The following CCDC70 variants were observed in gnomAD, a reference collection of about 807,000 sequenced individuals.
The protein encoded by CCDC70 is coiled-coil domain-containing protein 70.
CCDC70 carries 4 observed loss-of-function variants against 9.1 expected under a neutral mutation model. The observed-to-expected ratio is 0.44, with a 90% CI of 0.22 to 1.00. The LOEUF (loss-of-function observed/expected upper bound fraction) is 1.00. Ranked by LOEUF, CCDC70 falls within the 50% of genes least tolerant of loss-of-function variation. CCDC70 has a pLI of 0.25. For synonymous variants in CCDC70, 119 were observed against 94.0 expected (o/e 1.27, Z -1.54); for missense variants, 308 against 271.3 (o/e 1.14, Z -0.95).
At chr13:51,864,311 C>T (rs1156737449) in intron 1 of CCDC70, among the ~76,000 whole-genome samples, 1 of 152,158 alleles carries the variant, frequency 6.6e-6, no homozygotes, top group African/African-American at 2.4e-5. Flanking sequence ...CAAGTACTCA[C>T]CTAATCACAC....
Position 51,865,779 on chromosome 13 carries a change from C to G in CCDC70, c.368C>G (p.Ala123Gly), listed in dbSNP as rs750119943. 1.2e-6 allele frequency: 2 copies of G among 1,614,130 alleles called. No individual in the cohort carries two copies. Among genetic ancestry groups the G allele is most frequent in the South Asian group, 2.2e-5 (2 of 91,076 alleles). Residue 123 changes from alanine to glycine, a missense_variant, in exon 2 of 2, where the codon GCC (alanine) becomes GGC (glycine). Physicochemically the swap from Ala to Gly is moderately conservative, Grantham distance 60. Transcript: ENST00000242819. ...CGCACTTTCTGGAAGGAGGATAAGG[C>G]CTTCTGGAAAGAGGACAATGCCTTA... ...KYRTFWKEDKAFWKEDNALWE... is the reference protein window; with the variant it reads ...KYRTFWKEDKGFWKEDNALWE...
At chr13:51,862,375 A>G (rs985672286) in intron 1 of CCDC70, 146 bp downstream of exon 1, 10 of 152,274 alleles carry the variant, frequency 6.6e-5, no homozygotes, top group Non-Finnish European at 8.8e-5. Context: ...ACAGCTATAC[A>G]GATACACATC....
chr13:51,863,851 G>A (rs903918610), intron 1 of CCDC70, among the ~76,000 whole-genome samples: 1 of 152,146 alleles, frequency 6.6e-6, no homozygotes, highest in African/African-American at 2.4e-5. Flanking sequence ...CCGGACCCTG[G>A]CAGCTTCCTC....
rs371251028 is a variant in CCDC70, at chr13:51,865,793, G to A, written c.382G>A (p.Asp128Asn). ...GGAGGATAAGGCCTTCTGGAAAGAG[G>A]ACAATGCCTTATGGGAAAGAGACCG... ...WKEDKAFWKEDNALWERDRNL... is the reference protein window; with the variant it reads ...WKEDKAFWKENNALWERDRNL... Residue 128 changes from aspartate to asparagine, a missense_variant, in exon 2 of 2, where the codon GAC (aspartate) becomes AAC (asparagine). By Grantham distance (23) the Asp-to-Asn change is conservative. Coordinates refer to ENST00000242819, the MANE Select transcript of CCDC70 (RefSeq NM_031290.4). 3.1e-6 allele frequency: 5 copies of A among 1,614,220 alleles called. No homozygotes were observed. Among genetic ancestry groups the A allele is most frequent in the Non-Finnish European group, 1.7e-6 (2 of 1,180,038 alleles).
In CCDC70 at chr13:51,865,624, G is replaced by A. The variant is rs772885471; in HGVS notation, c.213G>A (p.Gln71=). The A allele has an allele frequency of 1.7e-5, 28 of 1,614,092 alleles. No individual in the cohort carries two copies. The highest frequency in any genetic ancestry group is 2.4e-5 in the Non-Finnish European group (28 of 1,180,012). ...FRGKIHAFRG[Q]ILGFWEEERP... ...GCAAGATCCATGCTTTCCGGGGCCA[G>A]ATCCTGGGTTTTTGGGAAGAGGAGA... The change falls in exon 2 of 2, where the codon CAG becomes CAA. Residue 71 remains glutamine, a synonymous_variant. Coordinates refer to ENST00000242819, the MANE Select transcript of CCDC70 (RefSeq NM_031290.4).
In CCDC70 at chr13:51,865,322, G is replaced by A; in HGVS notation, c.-80-10G>A. 1 of 1,417,848 alleles carries A rather than the reference G, an allele frequency of 7.1e-7. No individual in the cohort carries two copies. Among genetic ancestry groups the A allele is most frequent in the Non-Finnish European group, 9.6e-7 (1 of 1,043,870 alleles). 87.8% of individuals were successfully genotyped at this position (1,417,848 alleles called of 1,614,324 possible). A position where few individuals can be genotyped will look rare whatever the true frequency, so the allele number is the denominator to read the frequency against. On this transcript the variant is annotated splice_polypyrimidine_tract_variant and intron_variant, in intron 1 of 1. Transcript: ENST00000242819. ...TACTCATAGATCTGTCTTTTCTGCT[G>A]CCCCCACAGGGTCTGACCAGCCGAC...
chr13:51,864,105 TTCCC>T (rs1425070913), intron 1 of CCDC70, among the ~76,000 whole-genome samples: 1 of 146,628 alleles, frequency 6.8e-6, no homozygotes, highest in African/African-American at 2.5e-5. Context: ...CCTTCCTTCC[TTCCC>T]TCCCTCTCTT....
At position 51,865,853 on chromosome 13, in the gene CCDC70, G is replaced by A. The variant is rs1956419299; in HGVS notation, c.442G>A (p.Glu148Lys). ...LLQEDKALWEEEKALWVEERA... is the reference protein window; with the variant it reads ...LLQEDKALWEKEKALWVEERA... ...TCAGGAGGACAAGGCCCTGTGGGAG[G>A]AAGAAAAGGCCCTGTGGGTAGAGGA... Residue 148 changes from glutamate to lysine, a missense_variant, in exon 2 of 2, where the codon GAA becomes AAA. Physicochemically the swap from Glu to Lys is moderately conservative, Grantham distance 56. Coordinates refer to ENST00000242819, the MANE Select transcript of CCDC70 (RefSeq NM_031290.4). The A allele has an allele frequency of 1.2e-6, 2 of 1,613,712 alleles. No individual in the cohort carries two copies. Among genetic ancestry groups the A allele is most frequent in the Admixed American group, 3.3e-5 (2 of 59,908 alleles).
intron 1 of CCDC70, among the ~76,000 whole-genome samples, chr13:51,864,726 C>T (rs993809361): frequency 6.6e-6 from 1 of 152,174 alleles, no homozygotes; most frequent in African/African-American, 2.4e-5. Flanking sequence ...ACTGGAGCTG[C>T]GGGTCATCTG....
intron 1 of CCDC70, among the ~76,000 whole-genome samples, chr13:51,864,291 A>G (rs976197407): frequency 6.6e-6 from 1 of 152,162 alleles, no homozygotes; most frequent in African/African-American, 2.4e-5. Flanking sequence ...AGCACTGCAG[A>G]AGCCTCTCTC....
intron 1 of CCDC70, among the ~76,000 whole-genome samples, chr13:51,863,471 TG>T: frequency 6.6e-6 from 1 of 151,886 alleles, no homozygotes. Context: ...ATGGGGGAGA[TG>T]GAACAGGGGC....
At chr13:51,864,739 GTCTT>G (rs1956406419) in intron 1 of CCDC70, among the ~76,000 whole-genome samples, 1 of 152,178 alleles carries the variant, frequency 6.6e-6, no homozygotes, top group Non-Finnish European at 1.5e-5. Context: ...GTCATCTGGT[GTCTT>G]TCTTATTGTT....
intron 1 of CCDC70, 24 bp from the exon 2 acceptor site, chr13:51,865,308 C>T: frequency 1.6e-6 from 2 of 1,289,364 alleles, no homozygotes; most frequent in Non-Finnish European, 2.2e-6. Context: ...ACTCATAGAT[C>T]TGTCTTTTCT....
chr13:51,863,691 A>ACACACACACACAC (rs1383482450), intron 1 of CCDC70, among the ~76,000 whole-genome samples: 14 of 130,996 alleles, frequency 1.1e-4, no homozygotes, highest in African/African-American at 3.9e-4. Context: ...ACACACACAC[A>ACACACACACACAC]CACACACACA....
rs1288000343 is a variant in CCDC70 at position 51,865,842 on chromosome 13, C to T, written c.431C>T (p.Ala144Val). 3 of 1,613,830 alleles carry T rather than the reference C, an allele frequency of 1.9e-6. No individual in the cohort carries two copies. The highest frequency in any genetic ancestry group is 2.5e-6 in the Non-Finnish European group (3 of 1,179,980). Residue 144 changes from alanine (A) to valine (V), a missense_variant, in exon 2 of 2, where the codon GCC becomes GTC. Transcript: ENST00000242819. ...RDRNLLQEDK[A>V]LWEEEKALWV... ...CGGAACCTTCTTCAGGAGGACAAGG[C>T]CCTGTGGGAGGAAGAAAAGGCCCTG...
intron 1 of CCDC70, among the ~76,000 whole-genome samples, chr13:51,863,906 A>G (rs1956400759): frequency 6.6e-6 from 1 of 151,914 alleles, no homozygotes; most frequent in South Asian, 2.1e-4. Context: ...ATGTGCCTGC[A>G]CTCCTTATCT....
chr13:51,865,960 A>G lies in CCDC70; in HGVS notation c.549A>G (p.Glu183=). The G allele has an allele frequency of 6.2e-7, 1 of 1,614,070 alleles. No individual in the cohort carries two copies. Among genetic ancestry groups the G allele is most frequent in the Non-Finnish European group, 8.5e-7 (1 of 1,179,986 alleles). Residue 183 remains glutamate (E), a synonymous_variant, in exon 2 of 2, where the codon GAA becomes GAG. Transcript: ENST00000242819. ...LWEEENALWE[E]ERAFWMENNG... ...AGGAAGAGAATGCCCTCTGGGAGGA[A>G]GAGAGGGCCTTCTGGATGGAGAACA...
At position 51,865,980 on chromosome 13, in the gene CCDC70, A is replaced by G. The variant is rs1956421367; in HGVS notation, c.569A>G (p.Glu190Gly). ...LWEEERAFWM[E>G]NNGHIAGEQM... ...GAGGAAGAGAGGGCCTTCTGGATGG[A>G]GAACAATGGCCACATTGCCGGAGAG... Residue 190 changes from glutamate (E) to glycine (G), a missense_variant, in exon 2 of 2, where the codon GAG (glutamate) becomes GGG (glycine). Transcript: ENST00000242819. The G allele has an allele frequency of 6.2e-7, 1 of 1,613,878 alleles. No homozygotes were observed. The highest frequency in any genetic ancestry group is 1.3e-5 in the African/African-American group (1 of 74,918).
chr13:51,865,619 G>A lies in CCDC70; in HGVS notation c.208G>A (p.Gly70Ser). Reference protein sequence around the residue: ...TFRGKIHAFRGQILGFWEEER... With the variant: ...TFRGKIHAFRSQILGFWEEER... ...CCGAGGCAAGATCCATGCTTTCCGG[G>A]GCCAGATCCTGGGTTTTTGGGAAGA... Residue 70 changes from glycine to serine, a missense_variant, in exon 2 of 2, where the codon GGC becomes AGC. Transcript: ENST00000242819. 6.2e-7 allele frequency: 1 copy of A among 1,614,078 alleles called. No individual in the cohort carries two copies. Among genetic ancestry groups the A allele is most frequent in the Non-Finnish European group, 8.5e-7 (1 of 1,180,018 alleles).
Sources: gnomAD v4.1 joint callset for allele counts (sites outside exome capture counted in the v4.1 genomes callset) on GRCh38, gnomAD v4.1.1 for gene constraint, MANE v1.5 for transcripts, NCBI Gene and HGNC (gene_info 2026-07-23, HGNC 2026-07-21) for gene names.